Variants in TYW1 observed in about 807,000 individuals in gnomAD.
TYW1 encodes S-adenosyl-L-methionine-dependent tRNA 4-demethylwyosine synthase TYW1.
A neutral mutation model predicts 96.2 loss-of-function variants in TYW1; 46 were observed. The observed-to-expected ratio is 0.48, with a 90% CI of 0.38 to 0.61. TYW1 has a LOEUF of 0.61. Among genes scored for constraint, TYW1 ranks in the 20% least tolerant of loss-of-function variants. The pLI is 0.00. For synonymous variants in TYW1, 274 were observed against 323.0 expected (o/e 0.85, Z 1.63); for missense variants, 684 against 909.6 (o/e 0.75, Z 3.19).
intron 4 of TYW1, among the ~76,000 whole-genome samples, chr7:67,014,094 G>A (rs117791557): frequency 0.029 from 4,441 of 152,094 alleles, 104 homozygotes; most frequent in Middle Eastern, 0.11. Flanking sequence ...GCAAATTAGC[G>A]ATGATGAGAA....
intron 15 of TYW1, among the ~76,000 whole-genome samples, chr7:67,237,134 C>G (rs1441901093): frequency 6.6e-6 from 1 of 152,206 alleles, no homozygotes; most frequent in East Asian, 1.9e-4. Context: ...GATCCACCTG[C>G]CTCGGCCTTT....
chr7:67,181,464 T>G (rs562448118), intron 13 of TYW1, among the ~76,000 whole-genome samples: 1 of 152,330 alleles, frequency 6.6e-6, no homozygotes, highest in East Asian at 1.9e-4. Flanking sequence ...TAATTTCTGG[T>G]GTGGCTGCCT....
At chr7:67,035,879 G>T (rs7781357) in intron 7 of TYW1, among the ~76,000 whole-genome samples, 1 of 150,422 alleles carries the variant, frequency 6.6e-6, no homozygotes, top group East Asian at 2.0e-4. Flanking sequence ...AGGTTTCACC[G>T]TGTTAGCCAG....
rs1793618322 is a variant in TYW1, at chr7:67,006,982, G to A, written c.274-2601G>A. Among the ~76,000 whole-genome samples, 9 of 58,860 alleles carry A rather than the reference G, an allele frequency of 1.5e-4. No individual in the cohort carries two copies. In the South Asian group the frequency reaches 4.7e-3, roughly 30 times the overall value. 38.6% of individuals were successfully genotyped at this position (58,860 alleles called of 152,430 possible). A position where few individuals can be genotyped will look rare whatever the true frequency, so the allele number is the denominator to read the frequency against. ...TTTTTTTTTTTTTTTTTTTTTAACA[G>A]CCATCTATGAACTAATAGGGCAAGA... On this transcript the variant is annotated intron_variant, in intron 3 of 15. Transcript: ENST00000359626.
intron 3 of TYW1, among the ~76,000 whole-genome samples, chr7:67,002,330 G>A (rs184111499): frequency 8.0e-4 from 105 of 131,754 alleles, no homozygotes; most frequent in African/African-American, 2.8e-3. Flanking sequence ...ACTATGCCCA[G>A]CCCATCTCAA....
At chr7:67,171,797 G>T (rs1297145585) in intron 13 of TYW1, among the ~76,000 whole-genome samples, 7 of 151,936 alleles carry the variant, frequency 4.6e-5, no homozygotes, top group Admixed American at 4.6e-4. Flanking sequence ...TTTATGGTCA[G>T]TGTTTGCATA....
At position 67,055,880 on chromosome 7, in the gene TYW1, G is replaced by C. The variant is rs1795499679; in HGVS notation, c.1148G>C (p.Trp383Ser). 1.2e-6 allele frequency: 2 copies of C among 1,612,310 alleles called. No individual in the cohort carries two copies. The highest frequency in any genetic ancestry group is 1.1e-5 in the South Asian group (1 of 90,810). ...GSHSGVKLCRWTKSMLRGRGG... is the reference protein window; with the variant it reads ...GSHSGVKLCRSTKSMLRGRGG... ...CACTCGGGGGTGAAGCTTTGCAGGT[G>C]GACAAAGGTATTTTTTTTGTTTTTA... Residue 383 changes from tryptophan to serine, a missense_variant, in exon 9 of 16, where the codon TGG becomes TCG. Transcript: ENST00000359626.
chr7:67,005,017 A>G (rs1354571558), intron 3 of TYW1, among the ~76,000 whole-genome samples: 1 of 152,034 alleles, frequency 6.6e-6, no homozygotes, highest in Non-Finnish European at 1.5e-5. Flanking sequence ...TGGCCTCCCA[A>G]AGTGCTGGGA....
intron 15 of TYW1, among the ~76,000 whole-genome samples, chr7:67,209,681 T>C (rs1800933716): frequency 6.6e-6 from 1 of 152,136 alleles, no homozygotes; most frequent in Non-Finnish European, 1.5e-5. Context: ...CAAGCAATTC[T>C]CCTACCTCAG....
chr7:67,038,530 TG>T (rs1472666980), intron 7 of TYW1, among the ~76,000 whole-genome samples: 1 of 151,970 alleles, frequency 6.6e-6, no homozygotes, highest in Non-Finnish European at 1.5e-5. Flanking sequence ...TGTTTGAGCC[TG>T]GGAGGTCAAG....
chr7:67,228,244 C>T (rs139758438), intron 15 of TYW1, among the ~76,000 whole-genome samples: 19,009 of 152,228 alleles, frequency 0.12, 1,460 homozygotes, highest in East Asian at 0.25. Context: ...TCACAGTTCA[C>T]GTGGCTGGGG....
At chr7:67,089,240 G>A (rs1458832478) in intron 11 of TYW1, 9 of 1,230,788 alleles carry the variant, frequency 7.3e-6, no homozygotes, top group African/African-American at 1.5e-5. Flanking sequence ...TGGGGGTAGC[G>A]GGCAAGAGGA....
At chr7:67,102,895 C>T (rs1211205242) in intron 12 of TYW1, among the ~76,000 whole-genome samples, 7 of 152,178 alleles carry the variant, frequency 4.6e-5, no homozygotes, top group East Asian at 1.9e-4. Flanking sequence ...GTAATCCGCC[C>T]GCCTTGGCCT....
At chr7:67,156,459 C>T (rs1584631094) in intron 13 of TYW1, among the ~76,000 whole-genome samples, 1 of 152,220 alleles carries the variant, frequency 6.6e-6, no homozygotes. Flanking sequence ...GGCAGCCCTG[C>T]CAGGGGTTGC....
chr7:67,225,769 G>A (rs1292819492), intron 15 of TYW1, among the ~76,000 whole-genome samples: 16 of 142,618 alleles, frequency 1.1e-4, no homozygotes, highest in Admixed American at 4.9e-4. Context: ...CAGAAAATGA[G>A]TTTCCAGATA....
At chr7:67,222,173 G>A (rs779078608) in intron 15 of TYW1, among the ~76,000 whole-genome samples, 10 of 151,778 alleles carry the variant, frequency 6.6e-5, no homozygotes, top group Admixed American at 5.9e-4. Context: ...CTCCAGTCTG[G>A]GCAACAGAGC....
intron 9 of TYW1, among the ~76,000 whole-genome samples, chr7:67,062,595 A>C (rs1795730615): frequency 6.6e-6 from 1 of 151,642 alleles, no homozygotes; most frequent in Non-Finnish European, 1.5e-5. Flanking sequence ...AAGAAAACAC[A>C]AATCATCAGT....
chr7:67,083,315 T>G (rs13310375), intron 10 of TYW1, 115 bp from the exon 11 acceptor site: 2 of 995,822 alleles, frequency 2.0e-6, no homozygotes, highest in South Asian at 3.0e-5. Flanking sequence ...GTTGAACTCT[T>G]AGGAGGAAAC....
At chr7:67,138,787 T>C (rs918199498) in intron 13 of TYW1, among the ~76,000 whole-genome samples, 7 of 152,184 alleles carry the variant, frequency 4.6e-5, no homozygotes, top group South Asian at 2.1e-4. Flanking sequence ...GTTCCATCCA[T>C]GTTGGAGATG....
Sources: allele counts gnomAD v4.1 joint callset (sites outside exome capture counted in the v4.1 genomes callset), GRCh38; gene constraint gnomAD v4.1.1; transcripts MANE v1.5; gene names NCBI Gene and HGNC (gene_info 2026-07-23, HGNC 2026-07-21).